The following CSMD1 variants were observed in gnomAD, a reference collection of about 807,000 sequenced individuals.
The protein encoded by CSMD1 is CUB and sushi domain-containing protein 1.
Under a neutral mutation model 417.5 loss-of-function variants are expected in CSMD1, and 213 were observed. That is an observed-to-expected ratio of 0.51 (90% confidence interval 0.46 to 0.57). CSMD1 has a LOEUF of 0.57. Among genes scored for constraint, CSMD1 ranks in the 20% least tolerant of loss-of-function variants. The pLI, the probability that CSMD1 is intolerant of heterozygous loss-of-function variation, is 0.00. For missense variants in CSMD1, 6,923 were observed against 4,529.7 expected (o/e 1.53, Z -15.17); for synonymous variants, 2,862 against 1,736.8 (o/e 1.65, Z -16.11).
intron 41 of CSMD1, among the ~76,000 whole-genome samples, chr8:3,134,718 C>T (rs894233115): frequency 6.6e-6 from 1 of 152,182 alleles, no homozygotes; most frequent in African/African-American, 2.4e-5. Flanking sequence ...AATACAATAG[C>T]TTGGCTGACA....
chr8:3,566,477 G>GC (rs1196619310), intron 10 of CSMD1, among the ~76,000 whole-genome samples: 1 of 151,972 alleles, frequency 6.6e-6, no homozygotes, highest in Non-Finnish European at 1.5e-5. Flanking sequence ...ACCTCCACCA[G>GC]CCCCTCCTGG....
intron 51 of CSMD1, among the ~76,000 whole-genome samples, chr8:3,022,584 TAAGG>T (rs1458973811): frequency 6.6e-6 from 1 of 151,878 alleles, no homozygotes; most frequent in Non-Finnish European, 1.5e-5. Flanking sequence ...CTCATACCTG[TAAGG>T]ACAGCACTCC....
At chr8:3,880,591 T>A (rs976360584) in intron 5 of CSMD1, among the ~76,000 whole-genome samples, 1 of 152,230 alleles carries the variant, frequency 6.6e-6, no homozygotes, top group African/African-American at 2.4e-5. Flanking sequence ...ACTACACAAA[T>A]AGTACTATAT....
chr8:3,367,323 G>A (rs1269113019), intron 19 of CSMD1, 76 bp from the exon 20 acceptor site: 40 of 910,584 alleles, frequency 4.4e-5, no homozygotes, highest in Admixed American at 3.0e-4. Context: ...GAGGGAGCGG[G>A]GCAGAGAGAG....
At chr8:3,368,608 G>A (rs1201805290) in intron 19 of CSMD1, among the ~76,000 whole-genome samples, 2 of 152,104 alleles carry the variant, frequency 1.3e-5, no homozygotes, top group African/African-American at 4.8e-5. Flanking sequence ...CGAACTGCTG[G>A]GATTACAAGC....
chr8:4,321,783 T>C (rs1450994640), intron 3 of CSMD1, among the ~76,000 whole-genome samples: 1 of 152,174 alleles, frequency 6.6e-6, no homozygotes. Context: ...AATTTACAAT[T>C]TTTTTTCTAA....
At chr8:4,687,548 G>C (rs1358229656) in intron 1 of CSMD1, among the ~76,000 whole-genome samples, 1 of 152,168 alleles carries the variant, frequency 6.6e-6, no homozygotes, top group Non-Finnish European at 1.5e-5. Context: ...TGGGAAATAA[G>C]AAATTGCAGA....
chr8:4,042,564 G>T (rs554480077), intron 3 of CSMD1, among the ~76,000 whole-genome samples: 12 of 152,138 alleles, frequency 7.9e-5, no homozygotes, highest in Non-Finnish European at 2.9e-5. Flanking sequence ...CATTCCAGCG[G>T]AAGGTAATAG....
intron 2 of CSMD1, among the ~76,000 whole-genome samples, chr8:4,589,738 G>T (rs1389189490): frequency 1.3e-5 from 2 of 151,998 alleles, no homozygotes; most frequent in African/African-American, 4.8e-5. Flanking sequence ...CCATTATCAC[G>T]GCCAAAAAAA....
At position 3,137,754 on chromosome 8, in the gene CSMD1, C is replaced by A. The variant is rs186703231; in HGVS notation, c.6241+4711G>T. 1.8e-3 allele frequency among the ~76,000 whole-genome samples: 269 copies of A among 152,252 alleles called. 2 individuals carry two copies. Among genetic ancestry groups the A allele is most frequent in the South Asian group, 9.1e-3 (44 of 4,832 alleles). Reference sequence around the variant, plus strand: ...ACGATGATAAGAAAAAGAGTCTGTGCATGTTCAGTGGAAACACAACCATGT... The same window carrying A: ...ACGATGATAAGAAAAAGAGTCTGTGAATGTTCAGTGGAAACACAACCATGT... On this transcript the variant is annotated intron_variant, in intron 41 of 69. Coordinates refer to ENST00000635120, the MANE Select transcript of CSMD1 (RefSeq NM_033225.6).
At chr8:4,351,527 G>C (rs1014940434) in intron 3 of CSMD1, among the ~76,000 whole-genome samples, 13 of 152,196 alleles carry the variant, frequency 8.5e-5, no homozygotes, top group African/African-American at 2.7e-4. Context: ...TAAATTGTGA[G>C]ATTCATGGAG....
At chr8:3,434,060 G>C (rs1196723815) in intron 12 of CSMD1, among the ~76,000 whole-genome samples, 1 of 152,174 alleles carries the variant, frequency 6.6e-6, no homozygotes, top group African/African-American at 2.4e-5. Context: ...GGCATTCTTT[G>C]ATTATGAGAC....
intron 10 of CSMD1, among the ~76,000 whole-genome samples, chr8:3,527,015 A>C (rs1331910738): frequency 6.6e-6 from 1 of 151,932 alleles, no homozygotes; most frequent in African/African-American, 2.4e-5. Context: ...GCCTCTCCCT[A>C]CTCAGAATGT....
chr8:4,411,789 C>A (rs765237625), intron 3 of CSMD1, among the ~76,000 whole-genome samples: 6 of 152,160 alleles, frequency 3.9e-5, no homozygotes, highest in Non-Finnish European at 8.8e-5. Flanking sequence ...AAAATGGAAT[C>A]ACGTGGCATA....
At chr8:3,947,306 C>T (rs142155931) in intron 5 of CSMD1, among the ~76,000 whole-genome samples, 1 of 152,052 alleles carries the variant, frequency 6.6e-6, no homozygotes, top group African/African-American at 2.4e-5. Context: ...CTTTTAATTT[C>T]CAGTCTGTTA....
At chr8:4,111,998 T>C (rs148526040) in intron 3 of CSMD1, among the ~76,000 whole-genome samples, 13 of 151,734 alleles carry the variant, frequency 8.6e-5, no homozygotes, top group African/African-American at 2.9e-4. Context: ...ATTTTGTTTA[T>C]ACCAAGTCTT....
At chr8:3,914,237 G>C (rs928855857) in intron 5 of CSMD1, among the ~76,000 whole-genome samples, 8 of 152,146 alleles carry the variant, frequency 5.3e-5, no homozygotes, top group Non-Finnish European at 1.2e-4. Context: ...GGCTAGAATA[G>C]AGTAGATAAG....
At chr8:4,271,229 C>T (rs710255) in intron 3 of CSMD1, among the ~76,000 whole-genome samples, 140,774 of 152,168 alleles carry the variant, frequency 0.93, 66,153 homozygotes, top group East Asian at 1. Context: ...GCGATATACA[C>T]GAATCAGGGC....
intron 1 of CSMD1, among the ~76,000 whole-genome samples, chr8:4,883,089 A>G (rs957339870): frequency 1.2e-4 from 18 of 152,108 alleles, no homozygotes; most frequent in African/African-American, 2.4e-5. Flanking sequence ...GAAAATCTGG[A>G]GTCCTCTACA....
Sources: gnomAD v4.1 joint callset for allele counts (sites outside exome capture counted in the v4.1 genomes callset) on GRCh38, gnomAD v4.1.1 for gene constraint, MANE v1.5 for transcripts, NCBI Gene and HGNC (gene_info 2026-07-23, HGNC 2026-07-21) for gene names.